EPC1: variants seen among roughly 807,000 people sequenced by gnomAD.
The protein encoded by EPC1 is enhancer of polycomb homolog 1.
Under a neutral mutation model 98.4 loss-of-function variants are expected in EPC1, and 12 were observed. That is an observed-to-expected ratio of 0.12 (90% CI 0.08 to 0.20). The LOEUF is 0.20. Ranked by LOEUF, EPC1 falls within the 10% of genes least tolerant of loss-of-function variation. EPC1 has a pLI of 1.00. For missense variants in EPC1, 729 were observed against 990.5 expected (o/e 0.74, Z 3.54); for synonymous variants, 357 against 363.9 (o/e 0.98, Z 0.21).
In EPC1 at chr10:32,268,962, C is replaced by A; in HGVS notation, c.*101G>T. 2 of 994,368 alleles carry A rather than the reference C, an allele frequency of 2.0e-6. No individual in the cohort carries two copies. The highest frequency in any genetic ancestry group is 3.1e-6 in the Non-Finnish European group (2 of 645,876). The allele number at this position is 994,368 out of a possible 1,614,324, so 61.6% of individuals were successfully genotyped here. A position where few individuals can be genotyped will look rare whatever the true frequency, so the allele number is the denominator to read the frequency against. ...TGCTGTCAAGTCCCCACAGCTGCCA[C>A]AGAAACGCATGTGCTGCTTTCCATC... On this transcript the variant is annotated 3_prime_UTR_variant, in exon 14 of 14. Coordinates refer to ENST00000319778, the MANE Select transcript of EPC1 (RefSeq NM_001272004.3).
chr10:32,303,501 T>C (rs952010701), intron 2 of EPC1, among the ~76,000 whole-genome samples: 45 of 152,256 alleles, frequency 3.0e-4, no homozygotes, highest in African/African-American at 9.9e-4. Flanking sequence ...TATTCATATA[T>C]CCAACAACTG....
intron 13 of EPC1, chr10:32,269,623 G>A (rs1298160280): frequency 2.0e-5 from 3 of 152,530 alleles, no homozygotes; most frequent in Admixed American, 2.0e-4. Context: ...CTGCGTCTCA[G>A]TTTCTTCATC....
In EPC1 at chr10:32,373,833, C is replaced by T. The variant is rs138125430; in HGVS notation, c.3+4658G>A. Among the ~76,000 whole-genome samples, 87 of 152,310 alleles carry T rather than the reference C, an allele frequency of 5.7e-4. No homozygotes were observed. The Middle Eastern group carries it at 0.014, about 24-fold the overall frequency. ...ATCTAAAACTCACTATTGAACCAAA[C>T]CTAGAACTCACTTGCCACCTGATTA... On this transcript the variant is annotated intron_variant, in intron 1 of 13. Transcript: ENST00000375110.
rs1391426556 is a variant in EPC1, at chr10:32,297,311, C to T, written c.314-3574G>A. Among the ~76,000 whole-genome samples, 46 of 133,918 alleles carry T rather than the reference C, an allele frequency of 3.4e-4. 1 individual carries two copies. Among genetic ancestry groups the T allele is most frequent in the Admixed American group, 2.7e-3 (34 of 12,578 alleles). 87.9% of individuals were successfully genotyped at this position (133,918 alleles called of 152,430 possible). A position where few individuals can be genotyped will look rare whatever the true frequency, so the allele number is the denominator to read the frequency against. Reference sequence around the variant, plus strand: ...TTTTTTTTTTTTTTAGATGGAGTTTCGCTCTTGTTGCCCAGGCTGGAGTGC... The same window carrying T: ...TTTTTTTTTTTTTTAGATGGAGTTTTGCTCTTGTTGCCCAGGCTGGAGTGC... On this transcript the variant is annotated intron_variant, in intron 2 of 13. Coordinates refer to ENST00000319778, the MANE Select transcript of EPC1 (RefSeq NM_001272004.3).
chr10:32,321,643 T>TA lies in EPC1; in HGVS notation c.154-15713dup, dbSNP rs991844482. On this transcript the variant is annotated intron_variant, in intron 1 of 13. Transcript: ENST00000319778. ...GAGAGAAGAGGGAAGTAATATTAAG[T>TA]AAAAAAAAAAACCGTATCACTATGT... Among the ~76,000 whole-genome samples the TA allele has an allele frequency of 5.3e-3, 773 of 145,026 alleles. 3 individuals carry two copies. The highest frequency in any genetic ancestry group is 0.014 in the East Asian group (68 of 4,994).
chr10:32,337,619 C>G (rs1564554762), intron 1 of EPC1, among the ~76,000 whole-genome samples: 3 of 152,178 alleles, frequency 2.0e-5, no homozygotes, highest in African/African-American at 7.2e-5. Context: ...TAGGGCTCAG[C>G]TTCATTTGTT....
chr10:32,333,345 C>CA (rs984537217), intron 1 of EPC1, among the ~76,000 whole-genome samples: 1 of 152,024 alleles, frequency 6.6e-6, no homozygotes, highest in Admixed American at 6.5e-5. Flanking sequence ...AACAAACAAA[C>CA]AACAACAAAA....
At chr10:32,359,096 C>T (rs1592636578) in intron 1 of EPC1, among the ~76,000 whole-genome samples, 1 of 152,156 alleles carries the variant, frequency 6.6e-6, no homozygotes, top group Non-Finnish European at 1.5e-5. Flanking sequence ...TTACCTTTAG[C>T]TCTATAAGCG....
At chr10:32,306,283 C>T (rs1253728808) in intron 1 of EPC1, among the ~76,000 whole-genome samples, 1 of 152,088 alleles carries the variant, frequency 6.6e-6, no homozygotes, top group Non-Finnish European at 1.5e-5. Context: ...AGAAAGTGGG[C>T]TATGGTTAAA....
At chr10:32,324,424 A>G (rs1032639275) in intron 1 of EPC1, among the ~76,000 whole-genome samples, 1 of 150,894 alleles carries the variant, frequency 6.6e-6, no homozygotes, top group African/African-American at 2.4e-5. Flanking sequence ...CCAGCTACTC[A>G]GGAGGCTGAG....
chr10:32,310,836 T>C (rs1836169127), intron 1 of EPC1, among the ~76,000 whole-genome samples: 1 of 151,988 alleles, frequency 6.6e-6, no homozygotes, highest in African/African-American at 2.4e-5. Context: ...ATCACGCCAC[T>C]GCACTCCAAC....
rs923808447 is a variant in EPC1, at chr10:32,320,814, T to C, written c.154-14883A>G. 3.9e-5 allele frequency among the ~76,000 whole-genome samples: 6 copies of C among 152,204 alleles called. 1 individual carries two copies. Among genetic ancestry groups the C allele is most frequent in the Admixed American group, 3.9e-4 (6 of 15,282 alleles). The stretch of plus-strand genomic sequence containing the variant: ...GTTGGCCAGGCTGGTCTCCAACTCC[T>C]GGACTCAAGTGAACCACCTGCCTCA... On this transcript the variant is annotated intron_variant, in intron 1 of 13. Transcript: ENST00000319778.
chr10:32,293,153 A>G lies in EPC1; in HGVS notation c.501T>C (p.Asp167=). 1.9e-6 allele frequency: 3 copies of G among 1,613,286 alleles called. No homozygotes were observed. Among genetic ancestry groups the G allele is most frequent in the Non-Finnish European group, 2.5e-6 (3 of 1,179,636 alleles). The change falls in exon 4 of 14, where the codon GAT becomes GAC. Residue 167 remains aspartate (D), a synonymous_variant. Transcript: ENST00000319778. ...LQEAKLLLKE[D]DELIREVYEY... is the part of the protein sequence containing the mutation. Reference sequence around the variant, plus strand: ...CATAAACTTCTCTAATTAGTTCATCATCTTCTTTTAGCAGTAGTTTGGCTT... The same window carrying G: ...CATAAACTTCTCTAATTAGTTCATCGTCTTCTTTTAGCAGTAGTTTGGCTT...
intron 6 of EPC1, among the ~76,000 whole-genome samples, chr10:32,289,709 T>TAG: frequency 6.6e-6 from 1 of 151,978 alleles, no homozygotes; most frequent in South Asian, 2.1e-4. Flanking sequence ...CTGCAAGCTC[T>TAG]GCCTCCCAGG....
chr10:32,347,472 C>G (rs1838930263), upstream of EPC1: 2 of 154,254 alleles, frequency 1.3e-5, no homozygotes, highest in South Asian at 2.1e-4. Flanking sequence ...GACGGGCGAA[C>G]AAGGTGCGGG....
chr10:32,309,573 G>A (rs968619229), intron 1 of EPC1, among the ~76,000 whole-genome samples: 7 of 147,978 alleles, frequency 4.7e-5, no homozygotes, highest in Admixed American at 1.3e-4. Flanking sequence ...ACACAGCCTT[G>A]GGCTGGGCAC....
chr10:32,336,261 G>A (rs1459624632), intron 1 of EPC1, among the ~76,000 whole-genome samples: 1 of 150,880 alleles, frequency 6.6e-6, no homozygotes, highest in African/African-American at 2.4e-5. Context: ...GTAGAGACTG[G>A]GTTTCACCAT....
chr10:32,271,951 G>A (rs1379641405), intron 12 of EPC1, 34 bp from the exon 13 acceptor site: 2 of 1,602,872 alleles, frequency 1.2e-6, no homozygotes, highest in East Asian at 2.2e-5. Context: ...TCTAAACAAT[G>A]TACAACTTTG....
Position 32,271,910 on chromosome 10 carries a change from G to A in EPC1, c.2013C>T (p.Tyr671=), listed in dbSNP as rs1835865663. The part of the protein sequence containing the change: ...VNGVLPASGV[Y]KGLHLSSTTP... ...TAGTACTACTGAGGTGTAAGCCCTTGTATACTCCTAGAGAGAAAAAGAAAG... is the reference window on the plus strand; with the variant it reads ...TAGTACTACTGAGGTGTAAGCCCTTATATACTCCTAGAGAGAAAAAGAAAG... The change falls in exon 13 of 14, where the codon TAC becomes TAT. Residue 671 remains tyrosine, a synonymous_variant. Transcript: ENST00000319778. The A allele has an allele frequency of 6.2e-7, 1 of 1,613,044 alleles. No individual in the cohort carries two copies. Among genetic ancestry groups the A allele is most frequent in the Non-Finnish European group, 8.5e-7 (1 of 1,179,408 alleles).
Sources: allele counts gnomAD v4.1 joint callset (sites outside exome capture counted in the v4.1 genomes callset), GRCh38; gene constraint gnomAD v4.1.1; transcripts MANE v1.5; gene names NCBI Gene and HGNC (gene_info 2026-07-23, HGNC 2026-07-21).